GEMIN8: variants seen among roughly 807,000 people sequenced by gnomAD.
The protein encoded by GEMIN8 is gem nuclear organelle associated protein 8.
For synonymous variants in GEMIN8, 80 were observed against 78.5 expected (o/e 1.02, Z -0.10); for missense variants, 185 against 205.9 (o/e 0.90, Z 0.62).
intron 4 of GEMIN8, among the ~76,000 whole-genome samples, chrX:14,010,561 T>C (rs1366466985): frequency 8.9e-6 from 1 of 112,480 alleles, no homozygotes; most frequent in East Asian, 2.8e-4. Flanking sequence ...CAAGTGTGAA[T>C]GGAAAGATAT....
chrX:13,985,791 TAG>T, the GEMIN8 span, among the ~76,000 whole-genome samples: 1 of 111,474 alleles, frequency 9.0e-6, no homozygotes, highest in African/African-American at 3.3e-5. Context: ...TTTTGTGACC[TAG>T]AGAGACACAC....
At chrX:14,020,591 A>C (rs759645505) in intron 3 of GEMIN8, 57 bp from the exon 4 acceptor site, 1 of 728,841 alleles carries the variant, frequency 1.4e-6, no homozygotes, top group African/African-American at 2.1e-5. Flanking sequence ...TCCTCAAGAG[A>C]AATCTTCAAA....
rs942813734 is a variant in GEMIN8, at chrX:14,009,006, G to C, written c.636C>G (p.Ile212Met). The change falls in exon 5 of 5, where the codon ATC becomes ATG. Residue 212 changes from isoleucine to methionine, a missense_variant. Ile to Met is a conservative substitution (Grantham distance 10). Transcript: ENST00000680255. Reference protein sequence around the residue: ...KRLYGDSAAKIQAMEAAVQLS... With the variant: ...KRLYGDSAAKMQAMEAAVQLS... ...GCTGCACCGCGGCCTCCATGGCTTGGATCTTGGCAGCACTGTCCCCGTACA... is the reference window on the plus strand; with the variant it reads ...GCTGCACCGCGGCCTCCATGGCTTGCATCTTGGCAGCACTGTCCCCGTACA... The C allele has an allele frequency of 3.1e-5, 37 of 1,210,078 alleles. No homozygotes were observed. The highest frequency in any genetic ancestry group is 3.9e-5 in the Non-Finnish European group (35 of 894,845).
chrX:14,001,599 C>G, the GEMIN8 span, among the ~76,000 whole-genome samples: 1 of 111,569 alleles, frequency 9.0e-6, no homozygotes. Flanking sequence ...GGGCTCACTG[C>G]AACCTCCACC....
chrX:14,018,268 AC>A (rs773735074), intron 4 of GEMIN8, among the ~76,000 whole-genome samples: 1 of 112,095 alleles, frequency 8.9e-6, no homozygotes, highest in East Asian at 2.8e-4. Flanking sequence ...CTGTAACTGA[AC>A]CGTTCACATT....
chrX:14,020,856 G>A (rs1364028430), intron 3 of GEMIN8, among the ~76,000 whole-genome samples: 2 of 111,237 alleles, frequency 1.8e-5, no homozygotes, highest in African/African-American at 6.6e-5. Flanking sequence ...AAGACTGGAT[G>A]TTTATCACCT....
chrX:14,004,300 T>C (rs955729780), downstream of GEMIN8, among the ~76,000 whole-genome samples: 3 of 112,369 alleles, frequency 2.7e-5, no homozygotes, highest in African/African-American at 6.5e-5. Context: ...ACAGTTTACT[T>C]ACCCACATCC....
chrX:14,016,799 GGC>G (rs1189265546), intron 4 of GEMIN8, among the ~76,000 whole-genome samples: 68 of 92,965 alleles, frequency 7.3e-4, no homozygotes, highest in African/African-American at 2.4e-3. Context: ...GAGCTGAGAT[GGC>G]GCCACTGTAC....
chrX:13,984,806 T>C, the GEMIN8 span, among the ~76,000 whole-genome samples: 1 of 111,326 alleles, frequency 9.0e-6, no homozygotes, highest in Admixed American at 9.6e-5. Flanking sequence ...GGGGCTTAGT[T>C]TTGCCAGAAA....
chrX:14,021,525 A>C lies in GEMIN8; in HGVS notation c.-33-14T>G. 8.8e-7 allele frequency: 1 copy of C among 1,131,061 alleles called. No individual in the cohort carries two copies. The highest frequency in any genetic ancestry group is 1.2e-6 in the Non-Finnish European group (1 of 824,535). 93.2% of individuals were successfully genotyped at this position (1,131,061 alleles called of 1,213,427 possible). On this transcript the variant is annotated splice_polypyrimidine_tract_variant and intron_variant, in intron 2 of 4. Transcript: ENST00000680255. Reference sequence around the variant, plus strand: ...TGGGTGCTGAAACTAGGAAAGAAGAATCACAGTGCAAACGTCTGATCAGTA... The same window carrying C: ...TGGGTGCTGAAACTAGGAAAGAAGACTCACAGTGCAAACGTCTGATCAGTA...
chrX:14,020,296 T>C lies in GEMIN8; in HGVS notation c.254A>G (p.Asp85Gly). 8.3e-7 allele frequency: 1 copy of C among 1,208,203 alleles called. No homozygotes were observed. The highest frequency in any genetic ancestry group is 1.1e-6 in the Non-Finnish European group (1 of 892,170). ...SFYDHHVAWQ[D>G]YPCSSSHFRR... ...GAAATGTGAAGAACTGCAGGGGTAG[T>C]CCTGCCAGGCCACATGATGGTCATA... is the stretch of plus-strand genomic sequence containing the variant. Residue 85 changes from aspartate to glycine, a missense_variant, in exon 4 of 5, where the codon GAC becomes GGC. Physicochemically the swap from Asp to Gly is moderately conservative, Grantham distance 94 (BLOSUM62 -1). Coordinates refer to ENST00000680255, the MANE Select transcript of GEMIN8 (RefSeq NM_001042479.2).
At chrX:14,009,743 C>T (rs1465481078) in intron 4 of GEMIN8, among the ~76,000 whole-genome samples, 1 of 111,546 alleles carries the variant, frequency 9.0e-6, no homozygotes, top group Non-Finnish European at 1.9e-5. Flanking sequence ...CAAACACTGC[C>T]CCAGGCCAGC....
chrX:13,989,205 C>T, the GEMIN8 span, among the ~76,000 whole-genome samples: 4 of 111,131 alleles, frequency 3.6e-5, no homozygotes, highest in African/African-American at 1.3e-4. Flanking sequence ...GCTCCCGCCT[C>T]AGCCTCCTGA....
At chrX:14,000,044 C>T in the GEMIN8 span, among the ~76,000 whole-genome samples, 879 of 111,224 alleles carry the variant, frequency 7.9e-3, 8 homozygotes, top group African/African-American at 0.027. Context: ...GTGGCTCACA[C>T]GTGTAATCCC....
chrX:14,026,261 A>G, intron 1 of GEMIN8, 40 bp from the exon 2 acceptor site: 4 of 751,766 alleles, frequency 5.3e-6, no homozygotes, highest in Non-Finnish European at 6.3e-6. Flanking sequence ...GAAGGCCGGG[A>G]TCCGCAGCTC....
the GEMIN8 span, among the ~76,000 whole-genome samples, chrX:13,987,188 A>G: frequency 9.0e-6 from 1 of 111,460 alleles, no homozygotes; most frequent in Non-Finnish European, 1.9e-5. Flanking sequence ...GAGTGCTCTC[A>G]AGTCCCTTTT....
chrX:14,014,150 C>T (rs772328158), intron 4 of GEMIN8: 60 of 752,521 alleles, frequency 8.0e-5, no homozygotes, highest in Non-Finnish European at 9.3e-5. Flanking sequence ...AGCATGGAGG[C>T]AGCAAGTGGC....
chrX:14,002,440 C>T (rs1250610125), downstream of GEMIN8, among the ~76,000 whole-genome samples: 2 of 111,135 alleles, frequency 1.8e-5, no homozygotes, highest in African/African-American at 6.6e-5. Flanking sequence ...GTCCCTTTTT[C>T]CACATTCCTA....
At position 14,008,763 on chromosome X, in the gene GEMIN8, A is replaced by C; in HGVS notation, c.*150T>G. 1.8e-6 allele frequency: 1 copy of C among 542,977 alleles called. No homozygotes were observed. Among genetic ancestry groups the C allele is most frequent in the Non-Finnish European group, 3.1e-6 (1 of 321,630 alleles). The allele number at this position is 542,977 out of a possible 1,213,427, so 44.7% of individuals were successfully genotyped here. A position where few individuals can be genotyped will look rare whatever the true frequency, so the allele number is the denominator to read the frequency against. Reference sequence around the variant, plus strand: ...GACCTCCAAGTGGCTGGCATAGTACATCCACCCCGTGACAGGCCCACTGGG... The same window carrying C: ...GACCTCCAAGTGGCTGGCATAGTACCTCCACCCCGTGACAGGCCCACTGGG... On this transcript the variant is annotated 3_prime_UTR_variant, in exon 5 of 5. Coordinates refer to ENST00000680255, the MANE Select transcript of GEMIN8 (RefSeq NM_001042479.2).
Sources: gnomAD v4.1 joint callset for allele counts (sites outside exome capture counted in the v4.1 genomes callset) on GRCh38, gnomAD v4.1.1 for gene constraint, MANE v1.5 for transcripts, NCBI Gene and HGNC (gene_info 2026-07-23, HGNC 2026-07-21) for gene names.